Variants in FREM3 observed in about 807,000 individuals in gnomAD.
FREM3 encodes FRAS1-related extracellular matrix protein 3.
In FREM3, 105 loss-of-function variants were observed where a neutral mutation model predicts 129.1. The ratio of observed to expected loss-of-function variants is 0.81; its 90% CI spans 0.69 to 0.96. The LOEUF (loss-of-function observed/expected upper bound fraction) is 0.96. Ranked by LOEUF, FREM3 falls within the 40% of genes least tolerant of loss-of-function variation. The probability of loss-of-function intolerance (pLI) is 0.00; values close to 1 mark genes in which losing one functional copy is unlikely to be tolerated. For synonymous variants in FREM3, 1,014 were observed against 1,044.9 expected (o/e 0.97, Z 0.57); for missense variants, 2,593 against 2,666.3 (o/e 0.97, Z 0.61).
intron 2 of FREM3, among the ~76,000 whole-genome samples, chr4:143,683,026 T>G: frequency 6.6e-6 from 1 of 152,098 alleles, no homozygotes; most frequent in Non-Finnish European, 1.5e-5. Context: ...AGGAGAAAGA[T>G]TCACCCACTT....
At chr4:143,653,636 C>T (rs1480373573) in intron 2 of FREM3, among the ~76,000 whole-genome samples, 2 of 152,190 alleles carry the variant, frequency 1.3e-5, no homozygotes, top group Admixed American at 1.3e-4. Flanking sequence ...TCCCACATAA[C>T]ACTCAAGGAC....
At chr4:143,600,546 A>C (rs1343625769) in intron 6 of FREM3, among the ~76,000 whole-genome samples, 1 of 152,214 alleles carries the variant, frequency 6.6e-6, no homozygotes, top group Non-Finnish European at 1.5e-5. Flanking sequence ...AAAAATAAAA[A>C]AGTTGTTTTG....
At chr4:143,644,978 T>G (rs1391948566) in intron 2 of FREM3, 2 of 152,170 alleles carry the variant, frequency 1.3e-5, no homozygotes, top group Non-Finnish European at 2.9e-5. Flanking sequence ...CTGGCCTTCT[T>G]TCTATGTATT....
chr4:143,656,225 A>G (rs1739598099), intron 2 of FREM3, among the ~76,000 whole-genome samples: 1 of 152,120 alleles, frequency 6.6e-6, no homozygotes, highest in Non-Finnish European at 1.5e-5. Flanking sequence ...TTTCTACTGA[A>G]ATAAAGAGTT....
intron 6 of FREM3, among the ~76,000 whole-genome samples, chr4:143,595,867 G>A (rs1467330588): frequency 1.5e-5 from 2 of 131,168 alleles, no homozygotes; most frequent in African/African-American, 2.8e-5. Flanking sequence ...CAGTCTGGGC[G>A]ACAGAGCGAG....
intron 6 of FREM3, among the ~76,000 whole-genome samples, chr4:143,590,223 C>A: frequency 6.6e-6 from 1 of 152,102 alleles, no homozygotes; most frequent in Non-Finnish European, 1.5e-5. Context: ...ATTGAATACC[C>A]TTTATTTCCT....
chr4:143,638,507 A>G (rs986399182), intron 2 of FREM3, among the ~76,000 whole-genome samples: 3 of 152,160 alleles, frequency 2.0e-5, no homozygotes, highest in Non-Finnish European at 4.4e-5. Context: ...TTAATATAGC[A>G]ACTTATTTAG....
Position 143,697,915 on chromosome 4 carries a change from CACTT to C in FREM3, c.2757_2760del (p.Ser920MetfsTer37), listed in dbSNP as rs1416676128. The C allele has an allele frequency of 6.5e-7, 1 of 1,537,906 alleles. No homozygotes were observed. The highest frequency in any genetic ancestry group is 2.0e-5 in the Admixed American group (1 of 51,008). ...GTGATGGGTATATGGTGCACCCCAT[CACTT>C]ACTTCCAGATGGAAAGTGTCACTGG... On this transcript the variant is annotated frameshift_variant, in exon 1 of 8. Coordinates refer to ENST00000329798, the MANE Select transcript of FREM3 (RefSeq NM_001168235.2). LOFTEE classifies it high-confidence loss of function.
chr4:143,654,186 T>C lies in FREM3; in HGVS notation c.5276-26426A>G, dbSNP rs1193599793. Among the ~76,000 whole-genome samples the C allele has an allele frequency of 4.6e-5, 7 of 152,218 alleles. No individual in the cohort carries two copies. In the East Asian group the frequency reaches 1.3e-3, roughly 29 times the overall value. On this transcript the variant is annotated intron_variant, in intron 2 of 7. Coordinates refer to ENST00000329798, the MANE Select transcript of FREM3 (RefSeq NM_001168235.2). ...GGTGCAACCTGGGCCCACTGCAACA[T>C]GCGCCTGCTGGGTTCAAGTGATTCT...
intron 2 of FREM3, among the ~76,000 whole-genome samples, chr4:143,675,665 G>C (rs991595769): frequency 4.6e-5 from 7 of 152,050 alleles, no homozygotes; most frequent in Non-Finnish European, 7.4e-5. Context: ...AAGAAAGAAA[G>C]AGAGAAGAAT....
At chr4:143,665,371 C>A (rs551603695) in intron 2 of FREM3, among the ~76,000 whole-genome samples, 1 of 152,016 alleles carries the variant, frequency 6.6e-6, no homozygotes, top group Non-Finnish European at 1.5e-5. Context: ...TTAACTTATC[C>A]CCCATTAGAC....
Position 143,692,709 on chromosome 4 carries a change from G to A in FREM3, c.5275+404C>T, listed in dbSNP as rs75618854. Among the ~76,000 whole-genome samples, 1,440 of 152,226 alleles carry A rather than the reference G, an allele frequency of 9.5e-3. 22 individuals carry two copies. Among genetic ancestry groups the A allele is most frequent in the African/African-American group, 0.033 (1,367 of 41,532 alleles). The stretch of plus-strand genomic sequence containing the variant: ...CAAGTCTAAGATCAGGGAGCCATAA[G>A]ATTCAGTTCTGCAGATAAAAATCCC... On this transcript the variant is annotated intron_variant, in intron 2 of 7. Coordinates refer to ENST00000329798, the MANE Select transcript of FREM3 (RefSeq NM_001168235.2).
At chr4:143,608,797 G>C (rs1437680331) in intron 6 of FREM3, among the ~76,000 whole-genome samples, 2 of 152,098 alleles carry the variant, frequency 1.3e-5, no homozygotes, top group Non-Finnish European at 2.9e-5. Flanking sequence ...GTCAAACAGG[G>C]TTAGGCCTTG....
intron 5 of FREM3, among the ~76,000 whole-genome samples, chr4:143,620,833 C>T (rs2149841298): frequency 6.6e-6 from 1 of 152,084 alleles, no homozygotes; most frequent in African/African-American, 2.4e-5. Flanking sequence ...AAGCGTTATC[C>T]CTGGTTGAGG....
At position 143,696,252 on chromosome 4, in the gene FREM3, C is replaced by A; in HGVS notation, c.4424G>T (p.Ser1475Ile). Residue 1475 changes from serine (S) to isoleucine (I), a missense_variant, in exon 1 of 8, where the codon AGT becomes ATT. Coordinates refer to ENST00000329798, the MANE Select transcript of FREM3 (RefSeq NM_001168235.2). ...TRAPSLGHLE[S>I]SDYAGEPIAS... ...AATGGGTTCCCCAGCATAGTCAGAA[C>A]TTTCTAAGTGACCCAGGCTTGGAGC... The A allele has an allele frequency of 2.6e-6, 4 of 1,537,814 alleles. No homozygotes were observed. The highest frequency in any genetic ancestry group is 2.6e-6 in the Non-Finnish European group (3 of 1,147,050).
intron 2 of FREM3, among the ~76,000 whole-genome samples, chr4:143,647,029 A>C (rs1739430447): frequency 2.0e-5 from 3 of 152,202 alleles, no homozygotes; most frequent in African/African-American, 7.2e-5. Flanking sequence ...AACTTCCTAG[A>C]GACTTGTTGA....
At chr4:143,695,002 G>A (rs1020194870) in intron 1 of FREM3, among the ~76,000 whole-genome samples, 1 of 152,142 alleles carries the variant, frequency 6.6e-6, no homozygotes, top group Non-Finnish European at 1.5e-5. Flanking sequence ...GGCAAACATA[G>A]TTCTGTGCTT....
At chr4:143,597,370 A>C (rs545587596) in intron 6 of FREM3, among the ~76,000 whole-genome samples, 2 of 152,164 alleles carry the variant, frequency 1.3e-5, no homozygotes, top group African/African-American at 4.8e-5. Context: ...TAAATTAACT[A>C]TAGTGCCCAA....
chr4:143,625,487 C>T (rs1739023346), intron 3 of FREM3, among the ~76,000 whole-genome samples: 1 of 152,180 alleles, frequency 6.6e-6, no homozygotes. Context: ...CTAGTGTTGC[C>T]TTTGCAAATC....
Sources: allele counts gnomAD v4.1 joint callset (sites outside exome capture counted in the v4.1 genomes callset), GRCh38; gene constraint gnomAD v4.1.1; transcripts MANE v1.5; gene names NCBI Gene and HGNC (gene_info 2026-07-23, HGNC 2026-07-21).